FSTL4: variants seen among roughly 807,000 people sequenced by gnomAD.
The protein encoded by FSTL4 is follistatin like 4.
In FSTL4, 28 loss-of-function variants were observed where a neutral mutation model predicts 78.2. That is an observed-to-expected ratio of 0.36 (90% CI 0.27 to 0.49). FSTL4 has a LOEUF of 0.49. Ranked by LOEUF, FSTL4 falls within the 20% of genes least tolerant of loss-of-function variation. FSTL4 has a pLI of 0.98. For missense variants in FSTL4, 922 were observed against 1,084.9 expected, an observed-to-expected ratio of 0.85 and a Z score of 2.11; for synonymous variants, 422 against 440.5, an observed-to-expected ratio of 0.96 and a Z score of 0.53.
At chr5:133,718,243 C>A in the FSTL4 span, among the ~76,000 whole-genome samples, 1 of 152,040 alleles carries the variant, frequency 6.6e-6, no homozygotes, top group Non-Finnish European at 1.5e-5. Context: ...CCATGCCCAG[C>A]CAATTTTTGA....
chr5:133,218,538 C>A (rs1376909756), intron 12 of FSTL4, among the ~76,000 whole-genome samples: 2 of 152,160 alleles, frequency 1.3e-5, no homozygotes, highest in African/African-American at 4.8e-5. Context: ...CCTACAAGGC[C>A]CTCTACATTC....
chr5:133,810,621 G>A, the FSTL4 span, among the ~76,000 whole-genome samples: 6,966 of 152,226 alleles, frequency 0.046, 183 homozygotes, highest in East Asian at 0.093. Context: ...GGCCCACAGC[G>A]GAGTGCACCA....
chr5:133,236,244 C>T lies in FSTL4; in HGVS notation c.895-2707G>A, dbSNP rs1023790856. ...CACCTGTGTGGTGGTGTTTAGTCAT[C>T]AGCACCACCACATTCCTCAGGTTGA... On this transcript the variant is annotated intron_variant, in intron 7 of 15. Transcript: ENST00000265342. The surrounding 1 kb of genome is among the most constrained non-coding windows in gnomAD (Gnocchi z 5.0). Among the ~76,000 whole-genome samples the T allele has an allele frequency of 6.6e-6, 1 of 151,784 alleles. No individual in the cohort carries two copies. Among genetic ancestry groups the T allele is most frequent in the Non-Finnish European group, 1.5e-5 (1 of 67,786 alleles).
rs1293211969 is a variant in FSTL4, at chr5:133,440,358, T to C, written c.161-39372A>G. On this transcript the variant is annotated intron_variant, in intron 3 of 15. Coordinates refer to ENST00000265342, the MANE Select transcript of FSTL4 (RefSeq NM_015082.2). The surrounding 1 kb of genome is among the most constrained non-coding windows in gnomAD (Gnocchi z 4.1). ...GGCAAGGGTTTGGACTTCAAGGCCC[T>C]TTCTTGTGGAAGGCTCAGCATCTGT... Among the ~76,000 whole-genome samples the C allele has an allele frequency of 6.6e-6, 1 of 152,204 alleles. No individual in the cohort carries two copies. The highest frequency in any genetic ancestry group is 1.5e-5 in the Non-Finnish European group (1 of 68,036).
chr5:133,717,259 A>G, the FSTL4 span, among the ~76,000 whole-genome samples: 1 of 152,252 alleles, frequency 6.6e-6, no homozygotes, highest in African/African-American at 2.4e-5. Context: ...AGCAATAAAA[A>G]GAGCCCTTAT....
the FSTL4 span, among the ~76,000 whole-genome samples, chr5:133,783,617 C>T: frequency 6.6e-6 from 1 of 152,168 alleles, no homozygotes; most frequent in African/African-American, 2.4e-5. Context: ...TGCAAAATGA[C>T]TGAGAAGGAA....
intron 3 of FSTL4, among the ~76,000 whole-genome samples, chr5:133,477,589 G>A (rs1229644135): frequency 6.6e-6 from 1 of 152,186 alleles, no homozygotes; most frequent in African/African-American, 2.4e-5. Flanking sequence ...AAACAGTGCT[G>A]TGTGATTCCC....
At chr5:133,277,063 G>A (rs1367302926) in intron 6 of FSTL4, among the ~76,000 whole-genome samples, 1 of 152,220 alleles carries the variant, frequency 6.6e-6, no homozygotes, top group Non-Finnish European at 1.5e-5. Flanking sequence ...TGTAATTCCA[G>A]CACTTTGGGA....
At chr5:133,261,547 A>C (rs1752520789) in intron 6 of FSTL4, among the ~76,000 whole-genome samples, 1 of 152,176 alleles carries the variant, frequency 6.6e-6, no homozygotes, top group Admixed American at 6.5e-5. Context: ...ACCAGCATTC[A>C]TGTTAAAACA....
rs1394577680 is a variant in FSTL4, at chr5:133,338,099, G to A, written c.410-21447C>T. Among the ~76,000 whole-genome samples, 1 of 152,136 alleles carries A rather than the reference G, an allele frequency of 6.6e-6. No individual in the cohort carries two copies. The highest frequency in any genetic ancestry group is 2.4e-5 in the African/African-American group (1 of 41,416). On this transcript the variant is annotated intron_variant, in intron 4 of 15. Coordinates refer to ENST00000265342, the MANE Select transcript of FSTL4 (RefSeq NM_015082.2). The surrounding 1 kb of genome is among the most constrained non-coding windows in gnomAD (Gnocchi z 4.0). ...TGTGAGCTTAACTCTCTGGGTCCCT[G>A]GTGTGCACATAGGTCTCCCAGGTCA...
intron 3 of FSTL4, among the ~76,000 whole-genome samples, chr5:133,502,201 A>C (rs563359057): frequency 6.6e-6 from 1 of 152,334 alleles, no homozygotes; most frequent in South Asian, 2.1e-4. Context: ...GGAGACTAAC[A>C]CAGGCACGGG....
chr5:133,342,456 T>TA (rs1279415446), intron 4 of FSTL4, among the ~76,000 whole-genome samples: 1 of 152,188 alleles, frequency 6.6e-6, no homozygotes, highest in Non-Finnish European at 1.5e-5. Flanking sequence ...ATCTTCTACT[T>TA]ACAGCACTGC....
chr5:133,803,742 C>T, the FSTL4 span, among the ~76,000 whole-genome samples: 2 of 152,202 alleles, frequency 1.3e-5, no homozygotes, highest in Non-Finnish European at 2.9e-5. Flanking sequence ...ATGCTAGGCA[C>T]TGGGGCTACA....
At chr5:133,352,239 TATATATATACACAC>T (rs1754839492) in intron 4 of FSTL4, among the ~76,000 whole-genome samples, 4 of 132,672 alleles carry the variant, frequency 3.0e-5, no homozygotes, top group African/African-American at 1.1e-4. Flanking sequence ...CTCACACACA[TATATATATACACAC>T]ATATATATAT....
At chr5:133,606,304 G>A (rs992579966) in intron 1 of FSTL4, among the ~76,000 whole-genome samples, 2 of 152,054 alleles carry the variant, frequency 1.3e-5, no homozygotes, top group African/African-American at 2.4e-5. Flanking sequence ...ATTTTTAATA[G>A]AGACAGGGTT....
intron 4 of FSTL4, among the ~76,000 whole-genome samples, chr5:133,357,832 G>C (rs1017634170): frequency 6.6e-6 from 1 of 152,172 alleles, no homozygotes; most frequent in Non-Finnish European, 1.5e-5. Flanking sequence ...GGAGAAGTGT[G>C]CTAGGGCCAC....
At position 133,610,132 on chromosome 5, in the gene FSTL4, A is replaced by G. The variant is rs181306596; in HGVS notation, c.-11+2193T>C. ...ACATTTAAAAAGTCCTACGGCCCTT[A>G]GTAAAAGGAAAAAAAGTCCTCAGTG... On this transcript the variant is annotated intron_variant, in intron 1 of 15. Coordinates refer to ENST00000265342, the MANE Select transcript of FSTL4 (RefSeq NM_015082.2). Among the ~76,000 whole-genome samples, 519 of 152,346 alleles carry G rather than the reference A, an allele frequency of 3.4e-3. 1 individual carries two copies. The highest frequency in any genetic ancestry group is 3.5e-3 in the Non-Finnish European group (240 of 68,034).
At chr5:133,780,270 G>C in the FSTL4 span, among the ~76,000 whole-genome samples, 1 of 152,036 alleles carries the variant, frequency 6.6e-6, no homozygotes, top group Non-Finnish European at 1.5e-5. Context: ...CAGACACGTG[G>C]GGATATGGGC....
chr5:133,454,172 G>GA (rs908641775), intron 3 of FSTL4, among the ~76,000 whole-genome samples: 41 of 148,576 alleles, frequency 2.8e-4, no homozygotes, highest in African/African-American at 8.7e-4. Context: ...AACCAAAAAA[G>GA]AAAAAAAAAC....
Sources: gnomAD v4.1 joint callset for allele counts (sites outside exome capture counted in the v4.1 genomes callset) on GRCh38, gnomAD v4.1.1 for gene constraint, Gnocchi (gnomAD v3.1) non-coding constraint, MANE v1.5 for transcripts, NCBI Gene and HGNC (gene_info 2026-07-23, HGNC 2026-07-21) for gene names.